The following GDPD2 variants were observed in gnomAD, a reference collection of about 807,000 sequenced individuals.
The protein encoded by GDPD2 is glycerophosphodiester phosphodiesterase domain containing 2, also known as glycerophosphodiester phosphodiesterase 3.
In GDPD2, 23 loss-of-function variants were observed where a neutral mutation model predicts 49.2. The ratio of observed to expected loss-of-function variants is 0.47; its 90% CI spans 0.34 to 0.66. GDPD2 has a LOEUF of 0.66. GDPD2 is among the 30% of genes least tolerant of loss of function. GDPD2 has a pLI of 0.01. For missense variants in GDPD2, 338 were observed against 424.7 expected, an observed-to-expected ratio of 0.80 and a Z score of 1.79; for synonymous variants, 167 against 171.4, an observed-to-expected ratio of 0.97 and a Z score of 0.20.
chrX:70,429,798 C>T (rs755208606), intron 11 of GDPD2, 84 bp downstream of exon 11: 16 of 1,059,348 alleles, frequency 1.5e-5, no homozygotes. Context: ...CCCCTACCCC[C>T]AGGGCCCTGC....
intron 7 of GDPD2, 52 bp downstream of exon 7, chrX:70,426,793 C>T (rs1284277717): frequency 1.7e-6 from 2 of 1,173,400 alleles, no homozygotes; most frequent in Non-Finnish European, 2.3e-6. Context: ...TGCTCTGCCA[C>T]CTGCACTCTG....
chrX:70,433,018 TC>T lies in GDPD2; in HGVS notation c.1568-11del, dbSNP rs1364228317. 7.6e-6 allele frequency: 7 copies of T among 915,546 alleles called. No individual in the cohort carries two copies. Among genetic ancestry groups the T allele is most frequent in the Non-Finnish European group, 7.8e-6 (5 of 641,325 alleles). 75.5% of individuals were successfully genotyped at this position (915,546 alleles called of 1,213,427 possible). ...GCTTAACTCCCTAGATGACCCACCC[TC>T]CCCCTCCTCCCCAGGCTTAGAAACA... On this transcript the variant is annotated splice_polypyrimidine_tract_variant and intron_variant, in intron 15 of 15. Coordinates refer to ENST00000374382, the MANE Select transcript of GDPD2 (RefSeq NM_017711.4).
In GDPD2 at chrX:70,425,449, C is replaced by T. The variant is rs377492255; in HGVS notation, c.201C>T (p.Asn67=). 124 of 1,140,384 alleles carry T rather than the reference C, an allele frequency of 1.1e-4. No homozygotes were observed. Among genetic ancestry groups the T allele is most frequent in the Non-Finnish European group, 1.5e-4 (121 of 832,183 alleles). The allele number at this position is 1,140,384 out of a possible 1,213,427, so 94.0% of individuals were successfully genotyped here. Residue 67 remains asparagine, a synonymous_variant, in exon 3 of 16, where the codon AAC becomes AAT. Coordinates refer to ENST00000374382, the MANE Select transcript of GDPD2 (RefSeq NM_017711.4). ...TCGTCCTTCTCAATGACCTGCACAACTTCAATGAGTGTGTCATGGATTCCC... is the reference window on the plus strand; with the variant it reads ...TCGTCCTTCTCAATGACCTGCACAATTTCAATGAGTGTGTCATGGATTCCC... ...IGLVLLNDLH[N]FNEFLFRRWG...
chrX:70,430,164 C>T, intron 12 of GDPD2, 101 bp downstream of exon 12: 1 of 757,898 alleles, frequency 1.3e-6, no homozygotes, highest in South Asian at 2.7e-5. Context: ...TTCACTCACA[C>T]AAAAAGTATT....
At chrX:70,429,455 G>T (rs1195235876) in intron 10 of GDPD2, 38 bp from the exon 11 acceptor site, 3 of 908,085 alleles carry the variant, frequency 3.3e-6, no homozygotes, top group East Asian at 3.1e-5. Flanking sequence ...AGGCCTGGAA[G>T]CCTCTTCTGG....
rs1461904601 is a variant in GDPD2, at chrX:70,425,782, G to A, written c.229G>A (p.Gly77Arg). 6 of 1,188,797 alleles carry A rather than the reference G, an allele frequency of 5.0e-6. No individual in the cohort carries two copies. The highest frequency in any genetic ancestry group is 6.8e-6 in the Non-Finnish European group (6 of 877,305). The change falls in exon 4 of 16, where the codon GGA becomes AGA. Residue 77 changes from glycine to arginine, a missense_variant. Around this residue, in one of 3 missense-constraint regions of GDPD2, gnomAD observed 75 missense variants for 67.6 expected, o/e 1.11. Transcript: ENST00000374382. ...CCACAGATTCCTCTTCCGCCGCTGG[G>A]GACACTGGATGGACTGGTCCCTGGC... ...NFNEFLFRRW[G>R]HWMDWSLAFL... is the part of the protein sequence containing the mutation.
rs1431824197 is a variant in GDPD2, at chrX:70,433,029, C to G, written c.1568-5C>G. 9.2e-6 allele frequency: 11 copies of G among 1,199,727 alleles called. No individual in the cohort carries two copies. The highest frequency in any genetic ancestry group is 1.2e-5 in the Non-Finnish European group (11 of 886,614). ...TAGATGACCCACCCTCCCCCTCCTCCCCAGGCTTAGAAACAGCAGTGCTGC... is the reference window on the plus strand; with the variant it reads ...TAGATGACCCACCCTCCCCCTCCTCGCCAGGCTTAGAAACAGCAGTGCTGC... On this transcript the variant is annotated splice_polypyrimidine_tract_variant and splice_region_variant and intron_variant, in intron 15 of 15. Transcript: ENST00000374382.
chrX:70,429,967 G>C lies in GDPD2; in HGVS notation c.1211G>C (p.Gly404Ala), dbSNP rs1468135011. ...GCTAATGTCCAACGACGGGCACCTG[G>C]AATGCGCCAGATATATGGACGTCAG... is the stretch of plus-strand genomic sequence containing the variant. ...DRANVQRRAPGMRQIYGRQGG... is the reference protein window; with the variant it reads ...DRANVQRRAPAMRQIYGRQGG... Residue 404 changes from glycine to alanine, a missense_variant, in exon 12 of 16, where the codon GGA becomes GCA. Around this residue, in one of 3 missense-constraint regions of GDPD2, gnomAD observed 253 missense variants for 330.4 expected, o/e 0.77. Coordinates refer to ENST00000374382, the MANE Select transcript of GDPD2 (RefSeq NM_017711.4). 1.7e-6 allele frequency: 2 copies of C among 1,209,278 alleles called. No homozygotes were observed.
rs377382924 is a variant in GDPD2 at position 70,432,918 on chromosome X, T to C, written c.1545T>C (p.Phe515=). 15 of 1,191,058 alleles carry C rather than the reference T, an allele frequency of 1.3e-5. No homozygotes were observed. The African/African-American group carries it at 2.5e-4, about 20-fold the overall frequency. The change falls in exon 15 of 16, where the codon TTT becomes TTC. Residue 515 remains phenylalanine, a synonymous_variant. Transcript: ENST00000374382. ...GAAGCTTTTCTCCCCACAGAAGATT[T>C]GTTAAGAAGAGAGGGAAAACTGGTA... ...LLWTFLLQRR[F]VKKRGKTGLE...
rs1013245626 is a variant in GDPD2 at position 70,432,180 on chromosome X, A to G, written c.1308-127A>G. 1.0e-4 allele frequency: 55 copies of G among 531,306 alleles called. No homozygotes were observed. The African/African-American group carries it at 1.2e-3, about 12-fold the overall frequency. The allele number at this position is 531,306 out of a possible 1,213,427, so 43.8% of individuals were successfully genotyped here. A position where few individuals can be genotyped will look rare whatever the true frequency, so the allele number is the denominator to read the frequency against. On this transcript the variant is annotated intron_variant, in intron 12 of 15. Coordinates refer to ENST00000374382, the MANE Select transcript of GDPD2 (RefSeq NM_017711.4). ...AAATCATTGTTGGTCAGGGGCTGCT[A>G]TGGAAAGGCAGAGCTGATACCTCCT...
intron 12 of GDPD2, chrX:70,431,090 C>T: frequency 8.7e-7 from 1 of 1,144,351 alleles, no homozygotes; most frequent in South Asian, 1.9e-5. Context: ...CCCCCTCAGC[C>T]TCCCGGTTAT....
intron 8 of GDPD2, 49 bp from the exon 9 acceptor site, chrX:70,427,088 C>T: frequency 8.5e-7 from 1 of 1,175,645 alleles, no homozygotes; most frequent in Non-Finnish European, 1.2e-6. Context: ...CTGTGGGTTC[C>T]CAGTCTCCCA....
intron 13 of GDPD2, 61 bp from the exon 14 acceptor site, chrX:70,432,518 C>G: frequency 3.4e-6 from 4 of 1,170,850 alleles, no homozygotes; most frequent in Non-Finnish European, 4.7e-6. Context: ...AACCCTGTCC[C>G]TCTCTTCCTT....
chrX:70,430,949 G>T, intron 12 of GDPD2: 1 of 436,448 alleles, frequency 2.3e-6, no homozygotes, highest in Non-Finnish European at 4.0e-6. Flanking sequence ...ACTATGCAAG[G>T]CTATTTTTTT....
intron 10 of GDPD2, chrX:70,427,770 G>T (rs1249992800): frequency 2.0e-5 from 4 of 196,746 alleles, no homozygotes; most frequent in Non-Finnish European, 3.7e-5. Context: ...GACACGTAAA[G>T]CCCAGAAGTC....
At chrX:70,426,152 G>A in intron 5 of GDPD2, 41 bp downstream of exon 5, 1 of 1,084,114 alleles carries the variant, frequency 9.2e-7, no homozygotes, top group Non-Finnish European at 1.3e-6. Context: ...GGGGCCACTG[G>A]GCTCAGCACT....
intron 12 of GDPD2, 30 bp from the exon 13 acceptor site, chrX:70,432,277 C>T (rs982866697): frequency 1.7e-6 from 2 of 1,185,988 alleles, no homozygotes; most frequent in Non-Finnish European, 2.3e-6. Flanking sequence ...TGATTCTGGA[C>T]ATTCCCTATT....
At chrX:70,431,298 G>A in intron 12 of GDPD2, among the ~76,000 whole-genome samples, 2 of 112,330 alleles carry the variant, frequency 1.8e-5, no homozygotes, top group Middle Eastern at 9.2e-3. Flanking sequence ...GGCCCTGAAA[G>A]GTCTAGGTGC....
At chrX:70,429,748 C>G in intron 11 of GDPD2, 34 bp downstream of exon 11, 4 of 1,105,405 alleles carry the variant, frequency 3.6e-6, no homozygotes, top group Non-Finnish European at 5.0e-6. Context: ...CCCCACCCTG[C>G]CTTCCCTAGG....
Sources: allele counts gnomAD v4.1 joint callset (sites outside exome capture counted in the v4.1 genomes callset), GRCh38; gene constraint gnomAD v4.1.1; regional missense constraint gnomAD v4.1.1; transcripts MANE v1.5; gene names NCBI Gene and HGNC (gene_info 2026-07-23, HGNC 2026-07-21).